Variants in MDGA2 observed in about 807,000 individuals in gnomAD.
MDGA2 encodes the protein MAM domain containing glycosylphosphatidylinositol anchor 2, also known as MAM domain-containing glycosylphosphatidylinositol anchor protein 2.
In MDGA2, 40 loss-of-function variants were observed where a neutral mutation model predicts 117.8. That is an observed-to-expected ratio of 0.34 (90% CI 0.26 to 0.44). The LOEUF (loss-of-function observed/expected upper bound fraction) is 0.44. MDGA2 is among the 20% of genes least tolerant of loss of function. The pLI, the probability that MDGA2 is intolerant of heterozygous loss-of-function variation, is 1.00. For missense variants in MDGA2, 1,123 were observed against 1,250.6 expected, an observed-to-expected ratio of 0.90 and a Z score of 1.54; for synonymous variants, 452 against 439.0, an observed-to-expected ratio of 1.03 and a Z score of -0.37.
chr14:47,375,412 T>C (rs1201559539), intron 1 of MDGA2, among the ~76,000 whole-genome samples: 2 of 152,042 alleles, frequency 1.3e-5, no homozygotes, highest in African/African-American at 4.8e-5. Context: ...AAACTCAAAA[T>C]GCTTTAGCTT....
At chr14:47,030,409 G>A (rs559394834) in intron 8 of MDGA2, among the ~76,000 whole-genome samples, 1 of 152,066 alleles carries the variant, frequency 6.6e-6, no homozygotes, top group African/African-American at 2.4e-5. Context: ...AGCTACTTGG[G>A]AGGCTGAAGT....
At chr14:47,665,262 G>C (rs548143851) in intron 1 of MDGA2, among the ~76,000 whole-genome samples, 1 of 152,056 alleles carries the variant, frequency 6.6e-6, no homozygotes, top group Non-Finnish European at 1.5e-5. Flanking sequence ...TCTTCTTCTA[G>C]ATACACACAT....
chr14:47,143,346 T>C (rs1020097677), intron 4 of MDGA2, among the ~76,000 whole-genome samples: 1 of 152,178 alleles, frequency 6.6e-6, no homozygotes, highest in Admixed American at 6.5e-5. Context: ...AATTTTTTTT[T>C]ATTTAAAACT....
chr14:46,897,649 CAGTA>C (rs1179366690), intron 10 of MDGA2, among the ~76,000 whole-genome samples: 14 of 25,352 alleles, frequency 5.5e-4, no homozygotes, highest in African/African-American at 9.4e-4. Flanking sequence ...AGATGTTTAA[CAGTA>C]AGTAAGAATT....
At chr14:47,413,288 T>A (rs536802937) in intron 1 of MDGA2, among the ~76,000 whole-genome samples, 5 of 152,316 alleles carry the variant, frequency 3.3e-5, no homozygotes, top group Admixed American at 2.6e-4. Flanking sequence ...GGTTAATTGC[T>A]GAAGTTAAGA....
intron 8 of MDGA2, among the ~76,000 whole-genome samples, chr14:46,977,473 T>C (rs1421880655): frequency 1.3e-5 from 2 of 151,914 alleles, no homozygotes; most frequent in African/African-American, 2.4e-5. Context: ...AATTAGACAA[T>C]CTATTTTATT....
chr14:47,301,325 T>C, intron 2 of MDGA2, 86 bp downstream of exon 2: 1 of 1,408,246 alleles, frequency 7.1e-7, no homozygotes, highest in South Asian at 1.3e-5. Flanking sequence ...ACACACAGTT[T>C]TAGCTAAATA....
intron 3 of MDGA2, chr14:47,201,121 G>A: frequency 2.6e-6 from 2 of 772,860 alleles, no homozygotes; most frequent in East Asian, 2.5e-5. Flanking sequence ...CAGCAGCTTG[G>A]GAAAGCCCTT....
intron 10 of MDGA2, among the ~76,000 whole-genome samples, chr14:46,915,963 G>T (rs556539985): frequency 6.6e-6 from 1 of 152,192 alleles, no homozygotes; most frequent in African/African-American, 2.4e-5. Flanking sequence ...CCTGATGGAG[G>T]TTGTCTACAA....
intron 1 of MDGA2, among the ~76,000 whole-genome samples, chr14:47,645,891 T>G (rs1389097603): frequency 7.3e-5 from 11 of 151,524 alleles, no homozygotes. Flanking sequence ...GCTAACACGA[T>G]GAAACCCAGT....
intron 7 of MDGA2, among the ~76,000 whole-genome samples, chr14:47,051,303 C>A (rs1889449664): frequency 6.6e-6 from 1 of 151,792 alleles, no homozygotes; most frequent in Admixed American, 6.6e-5. Flanking sequence ...TGTAGGTTAT[C>A]TTTTAAAATT....
intron 8 of MDGA2, among the ~76,000 whole-genome samples, chr14:46,997,708 G>A (rs1291039640): frequency 2.0e-5 from 3 of 152,134 alleles, no homozygotes; most frequent in Admixed American, 6.6e-5. Context: ...AGGTTCTGGA[G>A]AGGTGGCCTC....
intron 1 of MDGA2, among the ~76,000 whole-genome samples, chr14:47,570,906 G>C (rs1896006822): frequency 6.6e-6 from 1 of 152,090 alleles, no homozygotes; most frequent in Non-Finnish European, 1.5e-5. Context: ...TTGACAAATG[G>C]GACCTGATTA....
chr14:47,554,398 T>A (rs527668897), intron 1 of MDGA2, among the ~76,000 whole-genome samples: 1 of 152,236 alleles, frequency 6.6e-6, no homozygotes, highest in Non-Finnish European at 1.5e-5. Flanking sequence ...TGAAAAATTA[T>A]CTTGTCTTCA....
intron 1 of MDGA2, among the ~76,000 whole-genome samples, chr14:47,309,314 C>G (rs1889560247): frequency 6.6e-6 from 1 of 152,112 alleles, no homozygotes; most frequent in African/African-American, 2.4e-5. Context: ...CCTCTACCAA[C>G]CTCCCACCGC....
chr14:47,544,368 T>C (rs113988231), intron 1 of MDGA2, among the ~76,000 whole-genome samples: 107 of 152,300 alleles, frequency 7.0e-4, no homozygotes, highest in African/African-American at 2.5e-3. Context: ...TAATAAAATA[T>C]ATGCTTCCTA....
chr14:47,182,288 T>C (rs1027810754), intron 3 of MDGA2, among the ~76,000 whole-genome samples: 6 of 152,132 alleles, frequency 3.9e-5, no homozygotes, highest in African/African-American at 1.4e-4. Context: ...GTAACTCTTA[T>C]AGACTAAGTT....
At chr14:46,920,577 C>T (rs1188114533) in intron 9 of MDGA2, among the ~76,000 whole-genome samples, 1 of 151,994 alleles carries the variant, frequency 6.6e-6, no homozygotes, top group African/African-American at 2.4e-5. Flanking sequence ...CATAGGCATG[C>T]AGATAGAATT....
intron 1 of MDGA2, among the ~76,000 whole-genome samples, chr14:47,515,443 C>T (rs987778637): frequency 2.6e-5 from 4 of 152,162 alleles, no homozygotes; most frequent in African/African-American, 4.8e-5. Flanking sequence ...AGAATGTCTG[C>T]TATCTTTGTA....
Sources: gnomAD v4.1 joint callset for allele counts (sites outside exome capture counted in the v4.1 genomes callset) on GRCh38, gnomAD v4.1.1 for gene constraint, MANE v1.5 for transcripts, NCBI Gene and HGNC (gene_info 2026-07-23, HGNC 2026-07-21) for gene names.